The following TMEM182 variants were observed in gnomAD, a reference collection of about 807,000 sequenced individuals.
TMEM182 encodes transmembrane protein 182.
Under a neutral mutation model 26.8 loss-of-function variants are expected in TMEM182, and 20 were observed. The observed-to-expected ratio is 0.75, with a 90% CI of 0.53 to 1.09. The LOEUF is 1.09. Ranked by LOEUF, TMEM182 falls within the 50% of genes least tolerant of loss-of-function variation. The pLI, the probability that TMEM182 is intolerant of heterozygous loss-of-function variation, is 0.00. For missense variants in TMEM182, 277 were observed against 275.5 expected (o/e 1.01, Z -0.04); for synonymous variants, 109 against 102.2 (o/e 1.07, Z -0.40).
chr2:102,808,952 T>C (rs1435955599), intron 4 of TMEM182, among the ~76,000 whole-genome samples: 3 of 152,234 alleles, frequency 2.0e-5, no homozygotes, highest in Non-Finnish European at 2.9e-5. Context: ...GAGTGATGCA[T>C]ACATTCTATT....
chr2:102,822,882 AAAG>A (rs559566989), intron 3 of TMEM182, among the ~76,000 whole-genome samples: 210 of 152,196 alleles, frequency 1.4e-3, no homozygotes, highest in African/African-American at 4.7e-3. Flanking sequence ...CAATTTGACA[AAAG>A]AAGAAGAAGA....
chr2:102,765,158 A>T (rs577677596), intron 3 of TMEM182, among the ~76,000 whole-genome samples: 1 of 152,218 alleles, frequency 6.6e-6, no homozygotes. Context: ...ACACACATAC[A>T]TGTATATACA....
intron 1 of TMEM182, among the ~76,000 whole-genome samples, chr2:102,744,489 TA>T (rs1411061672): frequency 1.3e-5 from 2 of 152,160 alleles, no homozygotes; most frequent in Admixed American, 1.3e-4. Flanking sequence ...TCTTAAGAAC[TA>T]AGAGGAAGAA....
chr2:102,789,765 T>C (rs1267659863), intron 3 of TMEM182, among the ~76,000 whole-genome samples: 1 of 152,230 alleles, frequency 6.6e-6, no homozygotes, highest in Non-Finnish European at 1.5e-5. Flanking sequence ...GACACCCATG[T>C]GATAGAGGAC....
intron 3 of TMEM182, among the ~76,000 whole-genome samples, chr2:102,773,963 G>A (rs1680793771): frequency 6.6e-6 from 1 of 152,006 alleles, no homozygotes; most frequent in South Asian, 2.1e-4. Flanking sequence ...TAAAATATCA[G>A]TTCTGGAATT....
chr2:102,786,848 C>G (rs1337759103), intron 3 of TMEM182, among the ~76,000 whole-genome samples: 2 of 152,100 alleles, frequency 1.3e-5, no homozygotes, highest in Non-Finnish European at 2.9e-5. Context: ...AGACTGAGTC[C>G]CGGACACTCA....
At position 102,842,462 on chromosome 2, in the gene TMEM182, C is replaced by A. The variant is rs138750121; in HGVS notation, c.326-950C>A. Among the ~76,000 whole-genome samples the A allele has an allele frequency of 4.3e-3, 662 of 152,288 alleles. 6 individuals carry two copies. Among genetic ancestry groups the A allele is most frequent in the African/African-American group, 0.015 (631 of 41,560 alleles). ...TCAGGATTACTAGTTCAGTTTCCTA[C>A]CTCATTGGCTTCTGGGGAGCTTTCC... On this transcript the variant is annotated intron_variant, in intron 3 of 3. Coordinates refer to the TMEM182 transcript ENST00000486293.
intron 4 of TMEM182, among the ~76,000 whole-genome samples, chr2:102,813,160 T>C (rs1244948330): frequency 6.6e-6 from 1 of 152,220 alleles, no homozygotes. Context: ...GTAGCTTGTG[T>C]CATGATTACA....
At chr2:102,812,660 G>A (rs1365157253) in intron 4 of TMEM182, among the ~76,000 whole-genome samples, 1 of 152,120 alleles carries the variant, frequency 6.6e-6, no homozygotes, top group East Asian at 1.9e-4. Flanking sequence ...TCAAAGTTCA[G>A]TGATGGGTTT....
At chr2:102,771,121 C>T (rs912698295) in intron 3 of TMEM182, among the ~76,000 whole-genome samples, 1 of 152,190 alleles carries the variant, frequency 6.6e-6, no homozygotes, top group African/African-American at 2.4e-5. Context: ...AATACTTCCA[C>T]TGTGTTTTAG....
At chr2:102,801,672 G>C (rs573742881) in intron 4 of TMEM182, among the ~76,000 whole-genome samples, 1 of 152,238 alleles carries the variant, frequency 6.6e-6, no homozygotes, top group South Asian at 2.1e-4. Flanking sequence ...TAGTTACAGA[G>C]AACAGGAAGC....
At chr2:102,765,407 G>A (rs992100349) in intron 3 of TMEM182, among the ~76,000 whole-genome samples, 2 of 152,170 alleles carry the variant, frequency 1.3e-5, no homozygotes, top group Non-Finnish European at 2.9e-5. Context: ...CTGATTGGAT[G>A]AGGCCCGCTC....
chr2:102,792,907 C>T (rs1456549072), intron 3 of TMEM182, among the ~76,000 whole-genome samples: 3 of 152,142 alleles, frequency 2.0e-5, no homozygotes, highest in Middle Eastern at 6.3e-3. Flanking sequence ...CATTCTGGGG[C>T]GCATTTTTTC....
At chr2:102,819,595 A>C (rs565183413), downstream of TMEM182, among the ~76,000 whole-genome samples, 1 of 152,372 alleles carries the variant, frequency 6.6e-6, no homozygotes, top group South Asian at 2.1e-4. Context: ...ATGCATATAG[A>C]ATACATACAC....
At chr2:102,814,666 TC>T in intron 4 of TMEM182, 81 bp from the exon 5 acceptor site, 2 of 1,259,392 alleles carry the variant, frequency 1.6e-6, no homozygotes, top group Non-Finnish European at 2.2e-6. Context: ...GAGCTTGTCA[TC>T]CGGTCAATGA....
At chr2:102,797,792 G>A (rs1490322681) in intron 3 of TMEM182, 71 bp from the exon 4 acceptor site, 1 of 1,527,846 alleles carries the variant, frequency 6.5e-7, no homozygotes, top group Admixed American at 2.2e-5. Flanking sequence ...GCAACTGACT[G>A]TGACAATCTG....
chr2:102,755,878 C>T (rs982115573), intron 1 of TMEM182, among the ~76,000 whole-genome samples: 3 of 152,074 alleles, frequency 2.0e-5, no homozygotes, highest in Non-Finnish European at 2.9e-5. Flanking sequence ...TTCTAAAAAC[C>T]GTCTAGGAAA....
chr2:102,825,959 T>C (rs918019595), intron 3 of TMEM182, among the ~76,000 whole-genome samples: 1 of 152,212 alleles, frequency 6.6e-6, no homozygotes, highest in Non-Finnish European at 1.5e-5. Context: ...AGAAGATGTT[T>C]TGAACACTTT....
downstream of TMEM182, among the ~76,000 whole-genome samples, chr2:102,817,885 T>G (rs2104763952): frequency 6.6e-6 from 1 of 152,340 alleles, no homozygotes; most frequent in East Asian, 1.9e-4. Flanking sequence ...CAATCTATTA[T>G]TGTTGTTTCC....
Sources: allele counts gnomAD v4.1 joint callset (sites outside exome capture counted in the v4.1 genomes callset), GRCh38; gene constraint gnomAD v4.1.1; transcripts MANE v1.5; gene names NCBI Gene and HGNC (gene_info 2026-07-23, HGNC 2026-07-21).